SH3BGRL3: variants seen among roughly 807,000 people sequenced by gnomAD.
SH3BGRL3 encodes SH3 domain binding glutamate rich protein like 3.
SH3BGRL3 carries 8 observed loss-of-function variants against 11.9 expected under a neutral mutation model. The observed-to-expected ratio is 0.67, with a 90% CI of 0.40 to 1.22. The LOEUF (loss-of-function observed/expected upper bound fraction) is 1.22, where lower values mean the gene tolerates loss of function less well. SH3BGRL3 is among the 50% of genes most tolerant of loss of function. SH3BGRL3 has a pLI of 0.01. For synonymous variants in SH3BGRL3, 55 were observed against 52.3 expected (o/e 1.05, Z -0.22); for missense variants, 119 against 120.1 (o/e 0.99, Z 0.04).
At chr1:26,280,362 C>T (rs1268791105) in intron 1 of SH3BGRL3, among the ~76,000 whole-genome samples, 159 bp downstream of exon 1, 2 of 152,010 alleles carry the variant, frequency 1.3e-5, no homozygotes, top group Non-Finnish European at 1.5e-5. Flanking sequence ...TCCCGAGGCC[C>T]CATCCTGAAT....
At position 26,281,179 on chromosome 1, in the gene SH3BGRL3, T is replaced by C. The variant is rs2072978134; in HGVS notation, c.*56T>C. 1.3e-6 allele frequency: 2 copies of C among 1,560,842 alleles called. No homozygotes were observed. The highest frequency in any genetic ancestry group is 1.4e-5 in the African/African-American group (1 of 73,628). ...CTCCATCACCACACTCCCCCCAGCC[T>C]TCACCTGGCCATGAAGGACCTTTTG... On this transcript the variant is annotated 3_prime_UTR_variant, in exon 3 of 3. Coordinates refer to ENST00000270792, the MANE Select transcript of SH3BGRL3 (RefSeq NM_031286.4).
chr1:26,280,956 T>TGGGGGGGGGGGCCGGGGGGGGG, intron 2 of SH3BGRL3, 24 bp downstream of exon 2: 1 of 764,940 alleles, frequency 1.3e-6, no homozygotes, highest in African/African-American at 1.8e-5. Flanking sequence ...GACGGGGGGG[T>TGGGGGGGGGGGCCGGGGGGGGG]GGGGGGAGTG....
At chr1:26,280,637 C>A in intron 1 of SH3BGRL3, 128 bp from the exon 2 acceptor site, 6 of 1,138,914 alleles carry the variant, frequency 5.3e-6, no homozygotes. Context: ...GAGGCCAGAA[C>A]CCTCCCCTAG....
chr1:26,280,255 G>A (rs1391526480), intron 1 of SH3BGRL3, 52 bp downstream of exon 1: 1 of 1,449,424 alleles, frequency 6.9e-7, no homozygotes, highest in East Asian at 2.7e-5. Flanking sequence ...CTGTATCCCG[G>A]TGCTTTGGAC....
In SH3BGRL3 at chr1:26,281,212, C is replaced by G; in HGVS notation, c.*89C>G. ...GCCATGAAGGACCTTTTGACCAACT[C>G]CCTGTCATTCCTAACCTAACCTTAG... On this transcript the variant is annotated 3_prime_UTR_variant, in exon 3 of 3. Transcript: ENST00000270792. The G allele has an allele frequency of 7.8e-7, 1 of 1,280,618 alleles. No homozygotes were observed. Among genetic ancestry groups the G allele is most frequent in the Non-Finnish European group, 1.1e-6 (1 of 910,654 alleles). 79.3% of individuals were successfully genotyped at this position (1,280,618 alleles called of 1,614,324 possible).
chr1:26,281,320 T>C lies in SH3BGRL3; in HGVS notation c.*197T>C. On this transcript the variant is annotated 3_prime_UTR_variant, in exon 3 of 3. Transcript: ENST00000270792. Reference sequence around the variant, plus strand: ...TCCTCCATCTAAAGGCAACATTCCTTACCCATTAGTCTCAGAAATTGTCTT... The same window carrying C: ...TCCTCCATCTAAAGGCAACATTCCTCACCCATTAGTCTCAGAAATTGTCTT... 1 of 546,734 alleles carries C rather than the reference T, an allele frequency of 1.8e-6. No individual in the cohort carries two copies. The highest frequency in any genetic ancestry group is 2.9e-5 in the East Asian group (1 of 34,020). 33.9% of individuals were successfully genotyped at this position (546,734 alleles called of 1,614,324 possible). A position where few individuals can be genotyped will look rare whatever the true frequency, so the allele number is the denominator to read the frequency against.
chr1:26,280,744 C>T (rs1273915103), intron 1 of SH3BGRL3, 21 bp from the exon 2 acceptor site: 1 of 1,612,966 alleles, frequency 6.2e-7, no homozygotes, highest in Non-Finnish European at 8.5e-7. Context: ...CCACTAACCC[C>T]TACCCACCCT....
rs530970277 is a variant in SH3BGRL3, at chr1:26,280,877, C to T, written c.161C>T (p.Ala54Val). ...CTGAGGGATGAGATGCGAGCCTTGGCAGGCAACCCCAAGGCCACCCCACCC... is the reference window on the plus strand; with the variant it reads ...CTGAGGGATGAGATGCGAGCCTTGGTAGGCAACCCCAAGGCCACCCCACCC... Reference protein sequence around the residue: ...NALRDEMRALAGNPKATPPQI... With the variant: ...NALRDEMRALVGNPKATPPQI... The change falls in exon 2 of 3, where the codon GCA becomes GTA. Residue 54 changes from alanine (A) to valine (V), a missense_variant. Ala to Val is a moderately conservative substitution (Grantham distance 64). Transcript: ENST00000270792. 2.5e-6 allele frequency: 4 copies of T among 1,613,716 alleles called. No homozygotes were observed. In the African/African-American group the frequency reaches 5.3e-5, roughly 22 times the overall value.
Position 26,281,135 on chromosome 1 carries a change from C to A in SH3BGRL3, c.*12C>A. 1.2e-6 allele frequency: 2 copies of A among 1,612,616 alleles called. No homozygotes were observed. Among genetic ancestry groups the A allele is most frequent in the East Asian group, 2.2e-5 (1 of 44,840 alleles). ...TGAAGCTGGCTTGAGTCAAGCCTGT[C>A]CAGAGTTCCCCTGCTGGACTCCATC... On this transcript the variant is annotated 3_prime_UTR_variant, in exon 3 of 3. Transcript: ENST00000270792.
Position 26,280,941 on chromosome 1 carries a change from T to TTGGGGGGGG in SH3BGRL3, c.216+9_216+10insTGGGGGGGG. ...GGGACCAGTACTGTGGGGTATGGGC[T>TTGGGGGGGG]GGGGGACGGGGGGGTGGGGGGAGTG... On this transcript the variant is annotated intron_variant, in intron 2 of 2. Coordinates refer to ENST00000270792, the MANE Select transcript of SH3BGRL3 (RefSeq NM_031286.4). 1.7e-6 allele frequency: 1 copy of TTGGGGGGGG among 580,510 alleles called. No homozygotes were observed. Among genetic ancestry groups the TTGGGGGGGG allele is most frequent in the Non-Finnish European group, 3.2e-6 (1 of 314,906 alleles). The allele number at this position is 580,510 out of a possible 1,614,324, so 36.0% of individuals were successfully genotyped here.
intron 1 of SH3BGRL3, 101 bp downstream of exon 1, chr1:26,280,304 TG>T: frequency 9.0e-6 from 12 of 1,337,922 alleles, no homozygotes; most frequent in South Asian, 1.6e-5. Context: ...GGGGGCGGGG[TG>T]GGGGGAGTGC....
chr1:26,280,093 C>A lies in SH3BGRL3; in HGVS notation c.-63C>A. On this transcript the variant is annotated 5_prime_UTR_variant, in exon 1 of 3. Coordinates refer to ENST00000270792, the MANE Select transcript of SH3BGRL3 (RefSeq NM_031286.4). ...CCCGAGCACGGCGGCGGCGTCGTCT[C>A]CCGGCAGTGCAGCTGCCGCTACCGC... 6.5e-7 allele frequency: 1 copy of A among 1,535,736 alleles called. No homozygotes were observed. The highest frequency in any genetic ancestry group is 8.8e-7 in the Non-Finnish European group (1 of 1,136,054).
At chr1:26,280,499 G>GCCCAC (rs1553162370) in intron 1 of SH3BGRL3, among the ~76,000 whole-genome samples, 2 of 150,664 alleles carry the variant, frequency 1.3e-5, no homozygotes, top group African/African-American at 5.0e-5. Flanking sequence ...ACCGCAGCCT[G>GCCCAC]CCCTCCCCTC....
Position 26,280,182 on chromosome 1 carries a change from G to A in SH3BGRL3, c.27G>A (p.Thr9=), listed in dbSNP as rs2072948326. The change falls in exon 1 of 3, where the codon ACG becomes ACA. Residue 9 remains threonine, a synonymous_variant. Coordinates refer to ENST00000270792, the MANE Select transcript of SH3BGRL3 (RefSeq NM_031286.4). ...TGAGCGGCCTGCGCGTCTACAGCAC[G>A]TCGGTCACCGGCTCCCGCGAAGTAA... MSGLRVYS[T]SVTGSREIKS... is the part of the protein sequence containing the mutation. The A allele has an allele frequency of 2.6e-6, 4 of 1,556,902 alleles. No homozygotes were observed. The highest frequency in any genetic ancestry group is 2.4e-5 in the South Asian group (2 of 84,940).
chr1:26,280,310 G>A (rs528844835), intron 1 of SH3BGRL3, 107 bp downstream of exon 1: 2 of 1,315,370 alleles, frequency 1.5e-6, no homozygotes, highest in African/African-American at 3.1e-5. Context: ...GGGGTGGGGG[G>A]AGTGCGTCGG....
In SH3BGRL3 at chr1:26,280,104, AGCTGCC is replaced by A. The variant is rs1557675352; in HGVS notation, c.-48_-43del. The A allele has an allele frequency of 2.6e-6, 4 of 1,543,202 alleles. No individual in the cohort carries two copies. The East Asian group carries it at 9.9e-5, about 38-fold the overall frequency. On this transcript the variant is annotated 5_prime_UTR_variant, in exon 1 of 3. Transcript: ENST00000270792. ...CGGCGGCGTCGTCTCCCGGCAGTGC[AGCTGCC>A]GCTACCGCCGCCCTCTGCCCGCCGG...
intron 1 of SH3BGRL3, 36 bp from the exon 2 acceptor site, chr1:26,280,729 C>T (rs758841264): frequency 6.2e-7 from 1 of 1,608,948 alleles, no homozygotes; most frequent in Admixed American, 1.7e-5. Context: ...AATCCTCCAG[C>T]CTATCCACTA....
chr1:26,280,187 T>C lies in SH3BGRL3; in HGVS notation c.32T>C (p.Val11Ala). ...GGCCTGCGCGTCTACAGCACGTCGGTCACCGGCTCCCGCGAAGTAAGTGCG... is the reference window on the plus strand; with the variant it reads ...GGCCTGCGCGTCTACAGCACGTCGGCCACCGGCTCCCGCGAAGTAAGTGCG... MSGLRVYSTSVTGSREIKSQQ... is the reference protein window; with the variant it reads MSGLRVYSTSATGSREIKSQQ... The change falls in exon 1 of 3, where the codon GTC (valine) becomes GCC (alanine). Residue 11 changes from valine to alanine, a missense_variant. Coordinates refer to ENST00000270792, the MANE Select transcript of SH3BGRL3 (RefSeq NM_031286.4). 1 of 1,554,706 alleles carries C rather than the reference T, an allele frequency of 6.4e-7. No homozygotes were observed. The highest frequency in any genetic ancestry group is 1.2e-5 in the South Asian group (1 of 84,692).
In SH3BGRL3 at chr1:26,280,138, C is replaced by A; in HGVS notation, c.-18C>A. The A allele has an allele frequency of 1.3e-6, 2 of 1,562,292 alleles. No individual in the cohort carries two copies. The highest frequency in any genetic ancestry group is 1.7e-6 in the Non-Finnish European group (2 of 1,154,892). On this transcript the variant is annotated 5_prime_UTR_variant, in exon 1 of 3. Transcript: ENST00000270792. ...TACCGCCGCCCTCTGCCCGCCGGCC[C>A]GTCTGTCTACCCCCAGCATGAGCGG...
Sources: gnomAD v4.1 joint callset for allele counts (sites outside exome capture counted in the v4.1 genomes callset) on GRCh38, gnomAD v4.1.1 for gene constraint, MANE v1.5 for transcripts, NCBI Gene and HGNC (gene_info 2026-07-23, HGNC 2026-07-21) for gene names.